Variants in CYRIB observed in about 807,000 individuals in gnomAD.
CYRIB encodes CYFIP-related Rac1 interactor B.
In CYRIB, 8 loss-of-function variants were observed where a neutral mutation model predicts 44.2. That is an observed-to-expected ratio of 0.18 (90% CI 0.11 to 0.33). CYRIB has a LOEUF of 0.33. Ranked by LOEUF, CYRIB falls within the 10% of genes least tolerant of loss-of-function variation. The pLI, the probability that CYRIB is intolerant of heterozygous loss-of-function variation, is 1.00. For missense variants in CYRIB, 185 were observed against 382.8 expected, an observed-to-expected ratio of 0.48 and a Z score of 4.31; for synonymous variants, 131 against 127.2, an observed-to-expected ratio of 1.03 and a Z score of -0.20.
chr8:129,965,833 C>G (rs1022973283), intron 2 of CYRIB, among the ~76,000 whole-genome samples: 3 of 151,704 alleles, frequency 2.0e-5, no homozygotes, highest in African/African-American at 7.2e-5. Context: ...CAATTCGCTA[C>G]TTTTTGTTTT....
chr8:129,932,826 G>C (rs2091913762), intron 1 of CYRIB, among the ~76,000 whole-genome samples: 1 of 152,172 alleles, frequency 6.6e-6, no homozygotes, highest in South Asian at 2.1e-4. Flanking sequence ...TGGAATCTGA[G>C]AGTGATCCTA....
At chr8:129,909,221 T>A (rs1379712999) in intron 1 of CYRIB, among the ~76,000 whole-genome samples, 1 of 152,184 alleles carries the variant, frequency 6.6e-6, no homozygotes, top group African/African-American at 2.4e-5. Context: ...GTTGCCTAGG[T>A]AATGCCAGGC....
chr8:129,983,725 C>CGCGGGGAT (rs1212579214), intron 1 of CYRIB, among the ~76,000 whole-genome samples: 19 of 152,118 alleles, frequency 1.2e-4, no homozygotes, highest in Non-Finnish European at 1.8e-4. Context: ...ACGCTGGGGA[C>CGCGGGGAT]GCGGGGATGC....
Position 129,859,167 on chromosome 8 carries a change from A to G in CYRIB, c.301+3062T>C, listed in dbSNP as rs555845981. On this transcript the variant is annotated intron_variant, in intron 5 of 11. Transcript: ENST00000519824. ...GGAAGGCCACATGGGTCACATGTCC[A>G]CTGGACAGGGGGCCCTTCCCTGCCT... 1.1e-4 allele frequency among the ~76,000 whole-genome samples: 17 copies of G among 152,288 alleles called. No individual in the cohort carries two copies. In the East Asian group the frequency reaches 3.3e-3, roughly 30 times the overall value.
chr8:129,901,276 G>A (rs780984038), intron 2 of CYRIB, among the ~76,000 whole-genome samples: 1 of 152,034 alleles, frequency 6.6e-6, no homozygotes, highest in Non-Finnish European at 1.5e-5. Context: ...AGGCTGGAGT[G>A]CAGTGGTGAG....
At chr8:129,995,628 A>G (rs1411205755) in intron 1 of CYRIB, among the ~76,000 whole-genome samples, 1 of 152,220 alleles carries the variant, frequency 6.6e-6, no homozygotes, top group East Asian at 1.9e-4. Flanking sequence ...AGAAGGCTTC[A>G]CTGGGGATGG....
chr8:129,898,675 C>G (rs1198882334), intron 2 of CYRIB, among the ~76,000 whole-genome samples: 2 of 152,062 alleles, frequency 1.3e-5, no homozygotes, highest in African/African-American at 2.4e-5. Context: ...CTTATCATAA[C>G]CAAACAGAAT....
At chr8:129,985,061 C>T (rs1332036864) in intron 1 of CYRIB, among the ~76,000 whole-genome samples, 1 of 152,216 alleles carries the variant, frequency 6.6e-6, no homozygotes, top group East Asian at 1.9e-4. Context: ...TGAGCCACCA[C>T]GCCCCACCCA....
At chr8:129,886,673 C>T (rs2062889953) in intron 2 of CYRIB, among the ~76,000 whole-genome samples, 1 of 152,140 alleles carries the variant, frequency 6.6e-6, no homozygotes, top group Admixed American at 6.5e-5. Context: ...AGGTAACTTC[C>T]ACGTTGCTAA....
intron 4 of CYRIB, among the ~76,000 whole-genome samples, chr8:129,868,888 A>C (rs1024379375): frequency 7.3e-5 from 9 of 122,974 alleles, no homozygotes; most frequent in Non-Finnish European, 1.7e-5. Context: ...GAAGTACTGC[A>C]ATTAAAAAAA....
chr8:129,851,307 C>T (rs1225818095), intron 8 of CYRIB: 3 of 191,880 alleles, frequency 1.6e-5, no homozygotes, highest in Non-Finnish European at 2.1e-5. Context: ...TACTTGGTTG[C>T]TCTATGGAGA....
chr8:129,901,682 C>T (rs956041525), intron 2 of CYRIB: 4 of 152,154 alleles, frequency 2.6e-5, no homozygotes, highest in African/African-American at 4.8e-5. Flanking sequence ...AACCTCTATA[C>T]AAAAATTAAC....
At chr8:129,993,095 C>T (rs569361450) in intron 1 of CYRIB, among the ~76,000 whole-genome samples, 1 of 152,250 alleles carries the variant, frequency 6.6e-6, no homozygotes, top group Non-Finnish European at 1.5e-5. Context: ...CATTACAGAA[C>T]TCAACATCTT....
At chr8:129,881,167 T>C (rs141989036) in intron 2 of CYRIB, among the ~76,000 whole-genome samples, 21 of 152,262 alleles carry the variant, frequency 1.4e-4, no homozygotes, top group African/African-American at 5.1e-4. Context: ...TTGGCATAAA[T>C]GTTGCCCAAG....
intron 1 of CYRIB, among the ~76,000 whole-genome samples, chr8:129,979,008 G>GT (rs956226611): frequency 6.6e-6 from 1 of 152,038 alleles, no homozygotes; most frequent in African/African-American, 2.4e-5. Flanking sequence ...GGGCGTAGTG[G>GT]TGTGTGCCTG....
At chr8:129,881,274 G>A (rs1276617203) in intron 2 of CYRIB, among the ~76,000 whole-genome samples, 1 of 152,112 alleles carries the variant, frequency 6.6e-6, no homozygotes, top group Non-Finnish European at 1.5e-5. Flanking sequence ...AAAAGGGGAG[G>A]CAAACTATGG....
intron 1 of CYRIB, among the ~76,000 whole-genome samples, chr8:129,989,252 A>C (rs1185928753): frequency 6.6e-6 from 1 of 152,116 alleles, no homozygotes; most frequent in African/African-American, 2.4e-5. Flanking sequence ...GGAGCCTTCC[A>C]GGCGTTAGAC....
Position 129,859,563 on chromosome 8 carries a change from G to A in CYRIB, c.301+2666C>T, listed in dbSNP as rs116348402. 8.3e-3 allele frequency among the ~76,000 whole-genome samples: 1,257 copies of A among 152,210 alleles called. 20 individuals are homozygous for A. The highest frequency in any genetic ancestry group is 0.029 in the African/African-American group (1,211 of 41,524). ...GCTAGACCACAGTCCGCTTGGCAAC[G>A]GCCATCTTCCCAGACGCTGGTGTCA... On this transcript the variant is annotated intron_variant, in intron 5 of 11. Transcript: ENST00000519824.
chr8:129,862,383 G>C (rs1284151802), intron 4 of CYRIB, 49 bp from the exon 7 acceptor site: 1 of 1,351,950 alleles, frequency 7.4e-7, no homozygotes, highest in Admixed American at 1.9e-5. Context: ...AAAAAAAAAG[G>C]TTCATTTTTA....
Sources: gnomAD v4.1 joint callset for allele counts (sites outside exome capture counted in the v4.1 genomes callset) on GRCh38, gnomAD v4.1.1 for gene constraint, MANE v1.5 for transcripts, NCBI Gene and HGNC (gene_info 2026-07-23, HGNC 2026-07-21) for gene names.